The following CNTNAP2 variants were observed in gnomAD, a reference collection of about 807,000 sequenced individuals.
The protein encoded by CNTNAP2 is contactin associated protein 2.
A neutral mutation model predicts 155.2 loss-of-function variants in CNTNAP2; 98 were observed. The observed-to-expected ratio is 0.63, with a 90% confidence interval of 0.54 to 0.75. The LOEUF (loss-of-function observed/expected upper bound fraction) is 0.75. CNTNAP2 is among the 30% of genes least tolerant of loss of function. The pLI is 0.00. For synonymous variants in CNTNAP2, 651 were observed against 631.2 expected (o/e 1.03, Z -0.47); for missense variants, 1,727 against 1,688.1 (o/e 1.02, Z -0.40).
intron 13 of CNTNAP2, among the ~76,000 whole-genome samples, chr7:147,802,911 A>G (rs1394055948): frequency 1.3e-5 from 2 of 152,172 alleles, no homozygotes; most frequent in African/African-American, 2.4e-5. Context: ...CACTTCAGAT[A>G]GAAAAAATAA....
intron 1 of CNTNAP2, among the ~76,000 whole-genome samples, chr7:146,493,175 G>A (rs1203244985): frequency 3.9e-5 from 6 of 151,990 alleles, no homozygotes; most frequent in Admixed American, 2.0e-4. Context: ...ATATACCTCC[G>A]TTTATCCACA....
intron 1 of CNTNAP2, among the ~76,000 whole-genome samples, chr7:146,552,992 A>G (rs995352783): frequency 2.0e-5 from 3 of 151,936 alleles, no homozygotes; most frequent in Non-Finnish European, 4.4e-5. Context: ...CATATTCCCA[A>G]TTGTACTATG....
intron 15 of CNTNAP2, among the ~76,000 whole-genome samples, chr7:148,011,163 C>A (rs1446416131): frequency 2.0e-5 from 3 of 151,922 alleles, no homozygotes; most frequent in Non-Finnish European, 4.4e-5. Flanking sequence ...TATATATAAT[C>A]ATATAGTGTG....
At chr7:147,654,925 TCC>T (rs1463031058) in intron 13 of CNTNAP2, among the ~76,000 whole-genome samples, 2 of 141,482 alleles carry the variant, frequency 1.4e-5, no homozygotes, top group East Asian at 4.4e-4. Flanking sequence ...CAAGCAATTC[TCC>T]TGCCTCAGCC....
intron 12 of CNTNAP2, among the ~76,000 whole-genome samples, chr7:147,613,742 C>T (rs1234666657): frequency 3.3e-5 from 5 of 152,072 alleles, no homozygotes; most frequent in Non-Finnish European, 4.4e-5. Context: ...ACTTGGGAGG[C>T]AGAGACAGGA....
At chr7:146,311,704 A>AAGAG (rs1446181632) in intron 1 of CNTNAP2, 2 of 151,358 alleles carry the variant, frequency 1.3e-5, no homozygotes, top group African/African-American at 4.8e-5. Context: ...GAAAGAAATA[A>AAGAG]AGAAAGAAAA....
intron 9 of CNTNAP2, among the ~76,000 whole-genome samples, chr7:147,337,216 G>C (rs1251377434): frequency 6.6e-6 from 1 of 152,056 alleles, no homozygotes; most frequent in African/African-American, 2.4e-5. Context: ...AGGATGTATG[G>C]TGAGCCAGCC....
At chr7:148,373,852 G>A (rs886892988) in intron 21 of CNTNAP2, among the ~76,000 whole-genome samples, 1 of 152,148 alleles carries the variant, frequency 6.6e-6, no homozygotes, top group Admixed American at 6.5e-5. Context: ...GTGGGTCTCC[G>A]GACTGTGTCC....
chr7:146,497,208 G>A (rs1309965023), intron 1 of CNTNAP2, among the ~76,000 whole-genome samples: 1 of 152,088 alleles, frequency 6.6e-6, no homozygotes, highest in Non-Finnish European at 1.5e-5. Flanking sequence ...CTAAATTTGG[G>A]TTAAAGTTGT....
chr7:147,252,643 G>T (rs1483421817), intron 8 of CNTNAP2, among the ~76,000 whole-genome samples: 5 of 152,056 alleles, frequency 3.3e-5, no homozygotes, highest in African/African-American at 4.8e-5. Context: ...TGCATTGGGG[G>T]GAAGGTGATA....
intron 3 of CNTNAP2, among the ~76,000 whole-genome samples, chr7:146,894,144 C>A (rs1485556188): frequency 6.6e-6 from 1 of 152,160 alleles, no homozygotes; most frequent in Non-Finnish European, 1.5e-5. Context: ...CACCAAGCAA[C>A]TTTTGGACAA....
chr7:148,050,212 G>A (rs1457027049), intron 15 of CNTNAP2, among the ~76,000 whole-genome samples: 1 of 152,150 alleles, frequency 6.6e-6, no homozygotes, highest in Non-Finnish European at 1.5e-5. Flanking sequence ...CTTCAGGAGG[G>A]ATTCCAGAAG....
At chr7:147,646,287 G>GA (rs1056293138) in intron 13 of CNTNAP2, among the ~76,000 whole-genome samples, 2 of 152,118 alleles carry the variant, frequency 1.3e-5, no homozygotes, top group African/African-American at 4.8e-5. Flanking sequence ...TGTTTATTAA[G>GA]AAAAAACTGG....
chr7:146,902,020 C>T lies in CNTNAP2; in HGVS notation c.402+62116C>T, dbSNP rs536678140. 2.6e-5 allele frequency among the ~76,000 whole-genome samples: 4 copies of T among 151,848 alleles called. No homozygotes were observed. The South Asian group carries it at 6.2e-4, about 24-fold the overall frequency. On this transcript the variant is annotated intron_variant, in intron 3 of 23. Transcript: ENST00000361727. The stretch of plus-strand genomic sequence containing the variant: ...CCTCCCGCATAGTTGGGACTACAGG[C>T]GCCTGCCACCTCGCCCGGCTAATTT...
intron 1 of CNTNAP2, among the ~76,000 whole-genome samples, chr7:146,444,249 G>T (rs891935159): frequency 1.3e-5 from 2 of 151,822 alleles, no homozygotes; most frequent in Non-Finnish European, 2.9e-5. Flanking sequence ...GGTCTCAAAC[G>T]CCTGACCTCA....
Position 146,527,962 on chromosome 7 carries a change from G to A in CNTNAP2, c.98-246309G>A, listed in dbSNP as rs558437270. On this transcript the variant is annotated intron_variant, in intron 1 of 23. Transcript: ENST00000361727. Reference sequence around the variant, plus strand: ...CCTTATATTACATTTTACGGCTTTTGTTTTAATTTTATCTACCACTATAGT... The same window carrying A: ...CCTTATATTACATTTTACGGCTTTTATTTTAATTTTATCTACCACTATAGT... 1.1e-3 allele frequency among the ~76,000 whole-genome samples: 165 copies of A among 152,118 alleles called. 1 individual carries two copies. In the South Asian group the frequency reaches 0.033, roughly 31 times the overall value.
chr7:146,365,884 C>A (rs1795148039), intron 1 of CNTNAP2, among the ~76,000 whole-genome samples: 2 of 152,262 alleles, frequency 1.3e-5, no homozygotes, highest in South Asian at 4.1e-4. Flanking sequence ...TGCAAAGTAA[C>A]TGAAGTTAAA....
intron 1 of CNTNAP2, among the ~76,000 whole-genome samples, chr7:146,526,829 C>CTCA (rs1797698083): frequency 6.6e-6 from 1 of 152,138 alleles, no homozygotes; most frequent in East Asian, 1.9e-4. Flanking sequence ...TATTTTAAGA[C>CTCA]TCATTACATA....
intron 10 of CNTNAP2, among the ~76,000 whole-genome samples, chr7:147,405,474 A>G (rs1796990231): frequency 6.6e-6 from 1 of 152,172 alleles, no homozygotes; most frequent in Non-Finnish European, 1.5e-5. Flanking sequence ...ATTGGGACTG[A>G]TACAACTTAA....
Sources: gnomAD v4.1 joint callset for allele counts (sites outside exome capture counted in the v4.1 genomes callset) on GRCh38, gnomAD v4.1.1 for gene constraint, MANE v1.5 for transcripts, NCBI Gene and HGNC (gene_info 2026-07-23, HGNC 2026-07-21) for gene names.